Variants in CDH3 observed in about 807,000 individuals in gnomAD.
CDH3 encodes cadherin 3.
Under a neutral mutation model 82.0 loss-of-function variants are expected in CDH3, and 54 were observed. The observed-to-expected ratio is 0.66, with a 90% CI of 0.53 to 0.83. The LOEUF (loss-of-function observed/expected upper bound fraction) is 0.83. Among genes scored for constraint, CDH3 ranks in the 40% least tolerant of loss-of-function variants. CDH3 has a pLI of 0.00. For missense variants in CDH3, 1,054 were observed against 1,084.6 expected (o/e 0.97, Z 0.40); for synonymous variants, 446 against 437.9 (o/e 1.02, Z -0.23).
chr16:68,665,745 C>T (rs1960716931), intron 2 of CDH3, among the ~76,000 whole-genome samples: 1 of 152,104 alleles, frequency 6.6e-6, no homozygotes. Flanking sequence ...GTTCCAAACT[C>T]TCAGAGTGCC....
At chr16:68,693,562 G>T (rs563705038) in intron 13 of CDH3, among the ~76,000 whole-genome samples, 41 of 152,320 alleles carry the variant, frequency 2.7e-4, no homozygotes, top group African/African-American at 9.6e-4. Flanking sequence ...GCCAGTCCAA[G>T]TGGAGGTGTC....
intron 12 of CDH3, among the ~76,000 whole-genome samples, chr16:68,688,119 TCA>T (rs1961467525): frequency 1.3e-5 from 2 of 149,094 alleles, no homozygotes; most frequent in African/African-American, 4.9e-5. Flanking sequence ...TCTCGAGGCC[TCA>T]GTTTTTCCAT....
At chr16:68,651,750 G>A in intron 2 of CDH3, 1 of 504,682 alleles carries the variant, frequency 2.0e-6, no homozygotes, top group Non-Finnish European at 4.0e-6. Context: ...GACTGAGCCT[G>A]GCTGCAGCTC....
chr16:68,657,476 T>G (rs1960437559), intron 2 of CDH3, among the ~76,000 whole-genome samples: 2 of 152,132 alleles, frequency 1.3e-5, no homozygotes, highest in African/African-American at 4.8e-5. Flanking sequence ...ATCGCACCAC[T>G]GCACTCCAGC....
chr16:68,649,112 G>A (rs1177048291), intron 2 of CDH3, among the ~76,000 whole-genome samples: 1 of 152,086 alleles, frequency 6.6e-6, no homozygotes, highest in Non-Finnish European at 1.5e-5. Context: ...CATGGTATTA[G>A]TGCAGTGATT....
At chr16:68,680,885 C>A in intron 7 of CDH3, 83 bp from the exon 8 acceptor site, 2 of 1,485,348 alleles carry the variant, frequency 1.3e-6, no homozygotes, top group Non-Finnish European at 1.9e-6. Context: ...TCCACACACC[C>A]ATGAGCCAGT....
intron 10 of CDH3, 146 bp downstream of exon 10, chr16:68,684,970 G>C (rs1176188607): frequency 3.7e-5 from 44 of 1,202,586 alleles, no homozygotes; most frequent in Non-Finnish European, 4.8e-5. Context: ...TACCCTCTTT[G>C]AGGCTGAAGA....
chr16:68,725,185 G>A (rs1274999268), intron 2 of CDH3, among the ~76,000 whole-genome samples: 1 of 152,142 alleles, frequency 6.6e-6, no homozygotes. Flanking sequence ...TTTCCAGGGG[G>A]CTTAACTCAC....
Position 68,698,529 on chromosome 16 carries a change from G to T in CDH3, c.*129G>T. On this transcript the variant is annotated 3_prime_UTR_variant, in exon 16 of 16. Transcript: ENST00000264012. ...GGCCGTAGCAACTTGGCGGAGACAG[G>T]CTATGAGTCTGACGTTAGAGTGGTG... 1.3e-6 allele frequency: 1 copy of T among 777,434 alleles called. No homozygotes were observed. Among genetic ancestry groups the T allele is most frequent in the Non-Finnish European group, 2.2e-6 (1 of 461,988 alleles). The allele number at this position is 777,434 out of a possible 1,614,324, so 48.2% of individuals were successfully genotyped here. A position where few individuals can be genotyped will look rare whatever the true frequency, so the allele number is the denominator to read the frequency against.
intron 2 of CDH3, among the ~76,000 whole-genome samples, chr16:68,657,062 C>T (rs1960425528): frequency 1.3e-5 from 2 of 152,184 alleles, no homozygotes; most frequent in African/African-American, 4.8e-5. Context: ...CAAATCTGGG[C>T]ATCCTCAGGG....
chr16:68,710,415 CTG>C (rs1962012066), intron 1 of CDH3, among the ~76,000 whole-genome samples: 1 of 152,216 alleles, frequency 6.6e-6, no homozygotes, highest in African/African-American at 2.4e-5. Flanking sequence ...TTGGCAATGT[CTG>C]GAGTCATTTG....
At chr16:68,650,304 T>A (rs1334967660) in intron 2 of CDH3, among the ~76,000 whole-genome samples, 1 of 152,040 alleles carries the variant, frequency 6.6e-6, no homozygotes, top group African/African-American at 2.4e-5. Flanking sequence ...AAAAAATATA[T>A]ATATTTTTTC....
chr16:68,715,761 T>G (rs891759161), intron 1 of CDH3, among the ~76,000 whole-genome samples: 2 of 152,284 alleles, frequency 1.3e-5, no homozygotes, highest in Admixed American at 1.3e-4. Context: ...TGGAGTAGCG[T>G]AAGAAACAAA....
chr16:68,684,398 A>T (rs1961337759), intron 9 of CDH3, among the ~76,000 whole-genome samples, 185 bp from the exon 10 acceptor site: 1 of 152,166 alleles, frequency 6.6e-6, no homozygotes, highest in Admixed American at 6.5e-5. Context: ...ATGGTCTGAG[A>T]GGCCCCATTA....
intron 2 of CDH3, among the ~76,000 whole-genome samples, chr16:68,647,924 G>A (rs928360273): frequency 3.4e-4 from 51 of 152,088 alleles, no homozygotes; most frequent in Admixed American, 1.1e-3. Flanking sequence ...CCTGTTGTTC[G>A]CCCCTGGGTT....
At chr16:68,731,041 AAAAAAAATATATATATAT>A (rs1962278354), downstream of CDH3, among the ~76,000 whole-genome samples, 4 of 27,216 alleles carry the variant, frequency 1.5e-4, no homozygotes, top group African/African-American at 1.8e-4. Context: ...AAAAAAAAAA[AAAAAAAATATATATATAT>A]ATATATATAT....
chr16:68,688,352 G>A (rs1488471170), intron 12 of CDH3, among the ~76,000 whole-genome samples: 1 of 151,998 alleles, frequency 6.6e-6, no homozygotes, highest in African/African-American at 2.4e-5. Flanking sequence ...CACTTTGGGA[G>A]CCTGAGGCGG....
chr16:68,660,926 CCCAGCACT>C (rs1210444720), intron 2 of CDH3, among the ~76,000 whole-genome samples: 1 of 151,258 alleles, frequency 6.6e-6, no homozygotes, highest in African/African-American at 2.4e-5. Context: ...GCCACTGCAC[CCCAGCACT>C]CCAGCCTGGG....
intron 1 of CDH3, among the ~76,000 whole-genome samples, chr16:68,718,551 G>A (rs1013619638): frequency 5.3e-5 from 8 of 151,986 alleles, no homozygotes; most frequent in South Asian, 2.1e-4. Flanking sequence ...GTGTGGTGGC[G>A]CATGCCTGTA....
Sources: gnomAD v4.1 joint callset for allele counts (sites outside exome capture counted in the v4.1 genomes callset) on GRCh38, gnomAD v4.1.1 for gene constraint, MANE v1.5 for transcripts, NCBI Gene and HGNC (gene_info 2026-07-23, HGNC 2026-07-21) for gene names.